CTNNA3: variants seen among roughly 807,000 people sequenced by gnomAD.
CTNNA3 encodes the protein catenin alpha 3.
A neutral mutation model predicts 95.7 loss-of-function variants in CTNNA3; 76 were observed. The observed-to-expected ratio is 0.79, with a 90% confidence interval of 0.66 to 0.96. The LOEUF is 0.96. CTNNA3 is among the 40% of genes least tolerant of loss of function. The pLI is 0.00. For missense variants in CTNNA3, 1,191 were observed against 1,089.8 expected (o/e 1.09, Z -1.31); for synonymous variants, 431 against 374.4 (o/e 1.15, Z -1.74).
chr10:67,660,335 C>T (rs1412403805), intron 1 of CTNNA3, among the ~76,000 whole-genome samples: 2 of 152,084 alleles, frequency 1.3e-5, no homozygotes, highest in African/African-American at 2.4e-5. Context: ...CCTGCTTCTC[C>T]CCAACAATTT....
At chr10:66,004,803 C>T (rs1269826379) in intron 15 of CTNNA3, among the ~76,000 whole-genome samples, 3 of 152,250 alleles carry the variant, frequency 2.0e-5, no homozygotes, top group Non-Finnish European at 4.4e-5. Flanking sequence ...CCCTCTGTAA[C>T]TCATGACTGG....
chr10:66,408,858 G>A (rs1911487), intron 11 of CTNNA3, among the ~76,000 whole-genome samples: 24,805 of 152,104 alleles, frequency 0.16, 2,497 homozygotes, highest in South Asian at 0.27. Context: ...CAATTGGAGA[G>A]TTCTTCATAC....
At chr10:67,151,270 A>G (rs1209724019) in intron 7 of CTNNA3, among the ~76,000 whole-genome samples, 2 of 152,180 alleles carry the variant, frequency 1.3e-5, no homozygotes, top group South Asian at 2.1e-4. Flanking sequence ...TTTAATTTTC[A>G]TCTGTATGTA....
chr10:67,014,874 G>A (rs1297604568), intron 7 of CTNNA3, among the ~76,000 whole-genome samples: 5 of 151,880 alleles, frequency 3.3e-5, no homozygotes, highest in African/African-American at 4.8e-5. Flanking sequence ...ACATACATAA[G>A]CCTTAATTTT....
chr10:65,989,786 C>T (rs1160277780), intron 15 of CTNNA3, among the ~76,000 whole-genome samples: 4 of 151,972 alleles, frequency 2.6e-5, no homozygotes, highest in Non-Finnish European at 5.9e-5. Flanking sequence ...TATAGTCATC[C>T]TACTCAACTA....
chr10:66,950,521 T>C (rs959955597), intron 7 of CTNNA3, among the ~76,000 whole-genome samples: 1 of 152,094 alleles, frequency 6.6e-6, no homozygotes, highest in African/African-American at 2.4e-5. Flanking sequence ...TATTTCCCTA[T>C]CTTTGTCAAA....
intron 16 of CTNNA3, among the ~76,000 whole-genome samples, chr10:65,967,143 A>T (rs1589189785): frequency 6.6e-6 from 1 of 151,166 alleles, no homozygotes; most frequent in South Asian, 2.1e-4. Flanking sequence ...TTTTTAGTAG[A>T]GACAGGGTTT....
chr10:67,750,472 C>A, intron 1 of CTNNA3: 3 of 1,522,794 alleles, frequency 2.0e-6, no homozygotes, highest in Admixed American at 1.7e-5. Flanking sequence ...AAGAGAAGAT[C>A]CAAGAGAAGG....
intron 7 of CTNNA3, among the ~76,000 whole-genome samples, chr10:66,830,605 T>A (rs1330952060): frequency 6.7e-6 from 1 of 149,750 alleles, no homozygotes; most frequent in East Asian, 2.0e-4. Context: ...TAATTTCTCT[T>A]TTTTTTTTTG....
intron 13 of CTNNA3, among the ~76,000 whole-genome samples, chr10:66,188,864 C>T (rs2086490554): frequency 6.6e-6 from 1 of 151,844 alleles, no homozygotes; most frequent in South Asian, 2.1e-4. Flanking sequence ...ATCAGGTTTC[C>T]CTTTTCTCCA....
intron 5 of CTNNA3, among the ~76,000 whole-genome samples, chr10:67,492,134 A>T (rs1483205562): frequency 6.6e-6 from 1 of 152,090 alleles, no homozygotes; most frequent in Non-Finnish European, 1.5e-5. Context: ...AGGGGAAAGA[A>T]AGAAAAATGA....
chr10:66,260,645 CAG>C (rs1232221041), intron 13 of CTNNA3, among the ~76,000 whole-genome samples: 1 of 152,106 alleles, frequency 6.6e-6, no homozygotes, highest in Non-Finnish European at 1.5e-5. Flanking sequence ...AAGCTTTAAA[CAG>C]AGTCAAAGCA....
intron 15 of CTNNA3, among the ~76,000 whole-genome samples, chr10:66,010,390 T>G (rs2078982215): frequency 6.6e-6 from 1 of 152,100 alleles, no homozygotes; most frequent in South Asian, 2.1e-4. Flanking sequence ...ACAAAAAGAA[T>G]TATTTTTAGG....
At chr10:65,969,729 G>A (rs1187084413) in intron 16 of CTNNA3, among the ~76,000 whole-genome samples, 1 of 151,986 alleles carries the variant, frequency 6.6e-6, no homozygotes, top group African/African-American at 2.4e-5. Context: ...TAAAGAAAAA[G>A]TAATTTTTAT....
intron 11 of CTNNA3, among the ~76,000 whole-genome samples, chr10:66,402,307 C>T (rs1470726588): frequency 6.6e-6 from 1 of 152,060 alleles, no homozygotes; most frequent in Non-Finnish European, 1.5e-5. Flanking sequence ...GCTGTTCAAC[C>T]CTCTTTACCT....
At chr10:66,352,339 G>C (rs1011918550) in intron 12 of CTNNA3, among the ~76,000 whole-genome samples, 1 of 152,032 alleles carries the variant, frequency 6.6e-6, no homozygotes, top group Non-Finnish European at 1.5e-5. Flanking sequence ...GAACTATTGT[G>C]ATCAAAACAT....
chr10:66,850,971 T>C (rs1843462689), intron 7 of CTNNA3, among the ~76,000 whole-genome samples: 1 of 152,158 alleles, frequency 6.6e-6, no homozygotes, highest in Admixed American at 6.6e-5. Flanking sequence ...AAATTATTTT[T>C]CTAAACTATT....
At chr10:66,654,221 A>G (rs1472917626) in intron 9 of CTNNA3, among the ~76,000 whole-genome samples, 1 of 152,112 alleles carries the variant, frequency 6.6e-6, no homozygotes, top group African/African-American at 2.4e-5. Flanking sequence ...TAAGGAGTTA[A>G]TACCAAAAAT....
chr10:67,350,337 A>C (rs961816835), intron 5 of CTNNA3, among the ~76,000 whole-genome samples: 2 of 152,044 alleles, frequency 1.3e-5, no homozygotes, highest in Non-Finnish European at 2.9e-5. Context: ...TGCTGGGGAC[A>C]ATGTATAGGA....
Sources: allele counts gnomAD v4.1 joint callset (sites outside exome capture counted in the v4.1 genomes callset), GRCh38; gene constraint gnomAD v4.1.1; transcripts MANE v1.5; gene names NCBI Gene and HGNC (gene_info 2026-07-23, HGNC 2026-07-21).